The following TF variants were observed in gnomAD, a reference collection of about 807,000 sequenced individuals.
The protein encoded by TF is transferrin.
TF carries 55 observed loss-of-function variants against 82.4 expected under a neutral mutation model. That is an observed-to-expected ratio of 0.67 (90% CI 0.54 to 0.84). TF has a LOEUF of 0.84. TF is among the 40% of genes least tolerant of loss of function. TF has a pLI of 0.00. For synonymous variants in TF, 332 were observed against 332.6 expected (o/e 1.00, Z 0.02); for missense variants, 737 against 868.4 (o/e 0.85, Z 1.90).
chr3:133,725,473 A>G, the TF span, among the ~76,000 whole-genome samples: 212 of 152,284 alleles, frequency 1.4e-3, no homozygotes, highest in African/African-American at 4.8e-3. Flanking sequence ...TTATTGGTGT[A>G]TAAGAATGCT....
chr3:133,729,689 C>A, the TF span, among the ~76,000 whole-genome samples: 2 of 152,236 alleles, frequency 1.3e-5, no homozygotes, highest in East Asian at 3.9e-4. Context: ...CTGTCTGGCA[C>A]TCCCTAGTGA....
chr3:133,730,894 C>A, the TF span, among the ~76,000 whole-genome samples: 6 of 152,028 alleles, frequency 3.9e-5, no homozygotes, highest in Non-Finnish European at 8.8e-5. Context: ...TAGATGCTAC[C>A]CTAGGGGGTT....
At position 133,778,897 on chromosome 3, in the gene TF, G is replaced by C. The variant is rs1934459881; in HGVS notation, c.*277G>C. The C allele has an allele frequency of 2.6e-6, 1 of 380,144 alleles. No homozygotes were observed. The highest frequency in any genetic ancestry group is 2.3e-5 in the South Asian group (1 of 44,000). 23.5% of individuals were successfully genotyped at this position (380,144 alleles called of 1,614,324 possible). ...TTCCTTCTCAGCTCAAGATTCGTCT[G>C]GTCTTTCCCTACAGCTTTGTGTGTG... On this transcript the variant is annotated 3_prime_UTR_variant, in exon 17 of 17. Coordinates refer to ENST00000402696, the MANE Select transcript of TF (RefSeq NM_001063.4).
chr3:133,778,160 C>T (rs897107207), intron 16 of TF: 1 of 205,932 alleles, frequency 4.9e-6, no homozygotes, highest in Non-Finnish European at 1.0e-5. Context: ...TCCACAAAAG[C>T]AGACAGTCTG....
At chr3:133,690,971 G>T in the TF span, among the ~76,000 whole-genome samples, 1 of 152,070 alleles carries the variant, frequency 6.6e-6, no homozygotes, top group South Asian at 2.1e-4. Context: ...CATTTAATTA[G>T]AGTCCTAACT....
the TF span, among the ~76,000 whole-genome samples, chr3:133,723,815 C>G: frequency 6.6e-6 from 1 of 151,920 alleles, no homozygotes; most frequent in Non-Finnish European, 1.5e-5. Context: ...CCTTCCCCAC[C>G]CCACCACAGT....
intron 8 of TF, 143 bp from the exon 9 acceptor site, chr3:133,759,032 T>G (rs1933912466): frequency 8.9e-7 from 1 of 1,118,658 alleles, no homozygotes; most frequent in Non-Finnish European, 1.3e-6. Context: ...CTTTGCTTTC[T>G]AAGGTGATTA....
chr3:133,740,728 A>G, the TF span, among the ~76,000 whole-genome samples: 5 of 152,138 alleles, frequency 3.3e-5, no homozygotes, highest in African/African-American at 1.2e-4. Context: ...TTTCTACATC[A>G]ATTTAAGGAG....
chr3:133,755,729 C>T, intron 5 of TF: 1 of 591,328 alleles, frequency 1.7e-6, no homozygotes, highest in East Asian at 3.0e-5. Flanking sequence ...TCCTTTCTCC[C>T]CAGAGCCCTC....
Position 133,775,476 on chromosome 3 carries a change from C to T in TF, c.1731C>T (p.Asp577=). The T allele has an allele frequency of 6.2e-7, 1 of 1,614,208 alleles. No homozygotes were observed. Among genetic ancestry groups the T allele is most frequent in the Non-Finnish European group, 8.5e-7 (1 of 1,180,042 alleles). Residue 577 remains aspartate, a synonymous_variant, in exon 15 of 17, where the codon GAC becomes GAT. Transcript: ENST00000402696. Reference sequence around the variant, plus strand: ...GGGCTAAGAATCTGAATGAAAAAGACTATGAGTTGCTGTGCCTTGATGGTA... The same window carrying T: ...GGGCTAAGAATCTGAATGAAAAAGATTATGAGTTGCTGTGCCTTGATGGTA... ...DPWAKNLNEK[D]YELLCLDGTR...
the TF span, among the ~76,000 whole-genome samples, chr3:133,705,641 T>C: frequency 6.6e-6 from 1 of 152,186 alleles, no homozygotes; most frequent in Non-Finnish European, 1.5e-5. Context: ...GCTCATATTA[T>C]TATTGACTAT....
chr3:133,755,237 G>A (rs1404910924), intron 4 of TF, 126 bp from the exon 5 acceptor site: 6 of 1,239,416 alleles, frequency 4.8e-6, no homozygotes, highest in Non-Finnish European at 7.1e-6. Context: ...ATAAGGGCAA[G>A]CTGGGGCTGC....
chr3:133,722,129 G>A, the TF span, among the ~76,000 whole-genome samples: 2 of 151,976 alleles, frequency 1.3e-5, no homozygotes, highest in Admixed American at 6.6e-5. Flanking sequence ...CAATCTCCCT[G>A]CCTGGGCCTC....
the TF span, among the ~76,000 whole-genome samples, chr3:133,671,378 TTATAA>T: frequency 6.6e-6 from 1 of 152,142 alleles, no homozygotes; most frequent in South Asian, 2.1e-4. Flanking sequence ...AACCATGAAG[TTATAA>T]TATATCAAGA....
rs571365201 is a variant in TF, at chr3:133,746,519, T to C, written c.43+36T>C. On this transcript the variant is annotated intron_variant, in intron 1 of 16. Coordinates refer to ENST00000402696, the MANE Select transcript of TF (RefSeq NM_001063.4). ...GCACGGGGTAGCACCGCAGAGTCGCTGGCCCGCGCGTTCCCTGCAACCCGG... is the reference window on the plus strand; with the variant it reads ...GCACGGGGTAGCACCGCAGAGTCGCCGGCCCGCGCGTTCCCTGCAACCCGG... 33 of 1,576,962 alleles carry C rather than the reference T, an allele frequency of 2.1e-5. No homozygotes were observed. In the South Asian group the frequency reaches 3.4e-4, roughly 16 times the overall value.
intron 9 of TF, 91 bp from the exon 10 acceptor site, chr3:133,764,091 T>C: frequency 9.1e-7 from 1 of 1,101,918 alleles, no homozygotes; most frequent in Non-Finnish European, 1.4e-6. Flanking sequence ...ATTCATGTGC[T>C]GGAAAGGCTG....
chr3:133,730,561 T>C, the TF span, among the ~76,000 whole-genome samples: 1 of 152,046 alleles, frequency 6.6e-6, no homozygotes, highest in African/African-American at 2.4e-5. Flanking sequence ...CCAACAGGGG[T>C]CTTTCAATGG....
At chr3:133,726,572 T>C in the TF span, among the ~76,000 whole-genome samples, 2 of 152,018 alleles carry the variant, frequency 1.3e-5, no homozygotes, top group Admixed American at 6.6e-5. Flanking sequence ...GTCTTGCTAG[T>C]GGTCTATCAA....
the TF span, among the ~76,000 whole-genome samples, chr3:133,728,824 G>A: frequency 6.6e-6 from 1 of 152,156 alleles, no homozygotes. Context: ...ATGTACAGAT[G>A]GGTTTTTGGT....
Sources: gnomAD v4.1 joint callset for allele counts (sites outside exome capture counted in the v4.1 genomes callset) on GRCh38, gnomAD v4.1.1 for gene constraint, MANE v1.5 for transcripts, NCBI Gene and HGNC (gene_info 2026-07-23, HGNC 2026-07-21) for gene names.